Variants in ARID1B observed in about 807,000 individuals in gnomAD.
ARID1B encodes the protein AT-rich interactive domain-containing protein 1B.
ARID1B carries 30 observed loss-of-function variants against 212.3 expected under a neutral mutation model. That is an observed-to-expected ratio of 0.14 (90% CI 0.11 to 0.19). ARID1B has a LOEUF of 0.19. Among genes scored for constraint, ARID1B ranks in the 10% least tolerant of loss-of-function variants. The pLI is 1.00. For synonymous variants in ARID1B, 1,402 were observed against 1,301.7 expected (o/e 1.08, Z -1.66); for missense variants, 2,891 against 3,204.0 (o/e 0.90, Z 2.36).
chr6:156,950,728 T>G (rs544225543), intron 4 of ARID1B, among the ~76,000 whole-genome samples: 26 of 152,244 alleles, frequency 1.7e-4, no homozygotes, highest in African/African-American at 6.0e-4. Context: ...ACTGGGGAAG[T>G]TATAGAGGAA....
intron 1 of ARID1B, among the ~76,000 whole-genome samples, chr6:156,792,484 A>G (rs1370691978): frequency 3.3e-5 from 5 of 152,240 alleles, no homozygotes; most frequent in Admixed American, 2.0e-4. Flanking sequence ...TTGGATTTTT[A>G]TTAGACAAAG....
At chr6:157,009,569 A>G (rs909380700) in intron 4 of ARID1B, among the ~76,000 whole-genome samples, 2 of 151,986 alleles carry the variant, frequency 1.3e-5, no homozygotes, top group Non-Finnish European at 2.9e-5. Flanking sequence ...GTATGTTACT[A>G]TATTAGATAT....
At chr6:157,040,749 G>A (rs1225365136) in intron 4 of ARID1B, among the ~76,000 whole-genome samples, 1 of 152,184 alleles carries the variant, frequency 6.6e-6, no homozygotes, top group East Asian at 1.9e-4. Context: ...TAGTCAAATG[G>A]CAAATATCTA....
chr6:156,804,887 AAAG>A (rs1298947276), intron 1 of ARID1B, among the ~76,000 whole-genome samples: 22 of 147,796 alleles, frequency 1.5e-4, no homozygotes, highest in African/African-American at 4.8e-4. Flanking sequence ...AAAAAAAAAA[AAAG>A]AAATTGGCCC....
At chr6:157,051,406 A>G (rs994833436) in intron 4 of ARID1B, among the ~76,000 whole-genome samples, 5 of 152,242 alleles carry the variant, frequency 3.3e-5, no homozygotes, top group Admixed American at 6.5e-5. Flanking sequence ...ATGCTAACGG[A>G]AAATGCAGTT....
At chr6:156,818,313 A>G (rs185199735) in intron 1 of ARID1B, among the ~76,000 whole-genome samples, 15 of 152,020 alleles carry the variant, frequency 9.9e-5, no homozygotes, top group Admixed American at 8.5e-4. Context: ...CATGGCAAGC[A>G]CCCTTTGTCC....
rs138326649 is a variant in ARID1B at position 156,905,250 on chromosome 6, G to GCACACACACACACACACACACA, written c.2136+3736_2136+3757dup. ...GAATCAATTGTGCTCACATATGCACGCACACACACACACACACACACACAC... is the reference window on the plus strand; with the variant it reads ...GAATCAATTGTGCTCACATATGCACGCACACACACACACACACACACACACACACACACACACACACACACAC... On this transcript the variant is annotated intron_variant, in intron 3 of 19. Coordinates refer to ENST00000636930, the MANE Select transcript of ARID1B (RefSeq NM_001374828.1). Among the ~76,000 whole-genome samples, 354 of 143,818 alleles carry GCACACACACACACACACACACA rather than the reference G, an allele frequency of 2.5e-3. 4 individuals are homozygous for GCACACACACACACACACACACA. The highest frequency in any genetic ancestry group is 4.1e-3 in the South Asian group (18 of 4,402). The allele number at this position is 143,818 out of a possible 152,430, so 94.4% of individuals were successfully genotyped here.
At chr6:157,050,396 T>C (rs1384169874) in intron 4 of ARID1B, among the ~76,000 whole-genome samples, 1 of 151,932 alleles carries the variant, frequency 6.6e-6, no homozygotes, top group Non-Finnish European at 1.5e-5. Flanking sequence ...ATACAAAAAT[T>C]AGCCAGGCGT....
rs79804384 is a variant in ARID1B, at chr6:157,052,151, G to T, written c.2248-32511G>T. Among the ~76,000 whole-genome samples the T allele has an allele frequency of 8.4e-3, 1,278 of 152,224 alleles. 21 individuals carry two copies. The highest frequency in any genetic ancestry group is 0.03 in the African/African-American group (1,232 of 41,526). On this transcript the variant is annotated intron_variant, in intron 4 of 19. Transcript: ENST00000636930. ...AATTGTGCTATTTTGTCTTGTAGGT[G>T]AAGCAATGAAAATAAAGGTTGGATA...
At chr6:156,956,817 A>G (rs1316280586) in intron 4 of ARID1B, among the ~76,000 whole-genome samples, 1 of 152,192 alleles carries the variant, frequency 6.6e-6, no homozygotes, top group South Asian at 2.1e-4. Flanking sequence ...CACTTGCCAT[A>G]TATTGTTATA....
At chr6:156,962,159 C>T (rs1583034882) in intron 4 of ARID1B, among the ~76,000 whole-genome samples, 1 of 152,068 alleles carries the variant, frequency 6.6e-6, no homozygotes, top group East Asian at 1.9e-4. Context: ...ATTAGCCGGG[C>T]GTGGTGGCGG....
At chr6:157,131,522 G>T (rs769198069) in intron 6 of ARID1B, among the ~76,000 whole-genome samples, 1 of 152,074 alleles carries the variant, frequency 6.6e-6, no homozygotes, top group African/African-American at 2.4e-5. Context: ...GAAGGAGCAC[G>T]ATGTTGTCTT....
intron 6 of ARID1B, among the ~76,000 whole-genome samples, chr6:157,132,722 A>G (rs1385231283): frequency 6.6e-6 from 1 of 151,920 alleles, no homozygotes; most frequent in Non-Finnish European, 1.5e-5. Flanking sequence ...TTTTGTAGGG[A>G]TTTTATCTGC....
intron 2 of ARID1B, among the ~76,000 whole-genome samples, chr6:156,895,735 T>TAC (rs79108130): frequency 0.02 from 3,035 of 150,344 alleles, 84 homozygotes; most frequent in African/African-American, 0.063. Context: ...TACAGGTGTA[T>TAC]ACACACACAC....
chr6:157,038,254 C>T (rs1485585652), intron 4 of ARID1B, among the ~76,000 whole-genome samples: 1 of 152,162 alleles, frequency 6.6e-6, no homozygotes, highest in African/African-American at 2.4e-5. Context: ...TTGGTAGAAA[C>T]TATTACAGAA....
At position 156,778,127 on chromosome 6, in the gene ARID1B, C is replaced by G. The variant is rs1327887344; in HGVS notation, c.447C>G (p.Asn149Lys). 4.5e-6 allele frequency: 7 copies of G among 1,541,434 alleles called. No homozygotes were observed. The Admixed American group carries it at 1.4e-4, about 30-fold the overall frequency. Residue 149 changes from asparagine (N) to lysine (K), a missense_variant, in exon 1 of 20, where the codon AAC becomes AAG. Physicochemically the swap from Asn to Lys is moderately conservative, Grantham distance 94. Transcript: ENST00000636930. ...GSAMETGLLP[N>K]HKLKTVGEAP... The stretch of plus-strand genomic sequence containing the variant: ...CCATGGAGACGGGGCTGCTCCCCAA[C>G]CACAAACTGAAAACCGTTGGCGAAG...
At position 157,209,539 on chromosome 6, in the gene ARID1B, TTGAGG is replaced by T. The variant is rs1278348703; in HGVS notation, c.*1653_*1657del. On this transcript the variant is annotated 3_prime_UTR_variant, in exon 20 of 20. Transcript: ENST00000636930. The stretch of plus-strand genomic sequence containing the variant: ...TTATGGGAGGTGGCTGCTGACCCAC[TTGAGG>T]TGAGATCTCAGAAGCTTAACTGGCC... The T allele has an allele frequency of 4.3e-6, 1 of 233,086 alleles. No individual in the cohort carries two copies. The highest frequency in any genetic ancestry group is 6.0e-5 in the East Asian group (1 of 16,556). 14.4% of individuals were successfully genotyped at this position (233,086 alleles called of 1,614,324 possible). A position where few individuals can be genotyped will look rare whatever the true frequency, so the allele number is the denominator to read the frequency against.
intron 4 of ARID1B, among the ~76,000 whole-genome samples, 180 bp from the exon 5 acceptor site, chr6:157,084,482 G>T (rs770726142): frequency 2.0e-5 from 3 of 152,046 alleles, no homozygotes; most frequent in African/African-American, 4.8e-5. Flanking sequence ...AGATCTTATT[G>T]GTTCAACTTA....
Position 157,210,655 on chromosome 6 carries a change from T to C in ARID1B, c.*2764T>C, listed in dbSNP as rs1285593929. ...CTAAAAATTAGTCGGTTTTTTTTTT[T>C]CTATGAGGCTTTTCAGAAATTTACA... On this transcript the variant is annotated 3_prime_UTR_variant, in exon 20 of 20. Coordinates refer to ENST00000636930, the MANE Select transcript of ARID1B (RefSeq NM_001374828.1). 3 of 230,560 alleles carry C rather than the reference T, an allele frequency of 1.3e-5. No individual in the cohort carries two copies. In the East Asian group the frequency reaches 1.8e-4, roughly 14 times the overall value. 14.3% of individuals were successfully genotyped at this position (230,560 alleles called of 1,614,324 possible).
Sources: allele counts gnomAD v4.1 joint callset (sites outside exome capture counted in the v4.1 genomes callset), GRCh38; gene constraint gnomAD v4.1.1; transcripts MANE v1.5; gene names NCBI Gene and HGNC (gene_info 2026-07-23, HGNC 2026-07-21).